The following EPHA6 variants were observed in gnomAD, a reference collection of about 807,000 sequenced individuals.
EPHA6 encodes EPH receptor A6.
In EPHA6, 50 loss-of-function variants were observed where a neutral mutation model predicts 112.0. The observed-to-expected ratio is 0.45, with a 90% CI of 0.36 to 0.56. The LOEUF (loss-of-function observed/expected upper bound fraction) is 0.56, where lower values mean the gene tolerates loss of function less well. Among genes scored for constraint, EPHA6 ranks in the 20% least tolerant of loss-of-function variants. The probability of loss-of-function intolerance (pLI) is 0.00; values close to 1 mark genes in which losing one functional copy is unlikely to be tolerated. For synonymous variants in EPHA6, 529 were observed against 490.7 expected, an observed-to-expected ratio of 1.08 and a Z score of -1.03; for missense variants, 1,280 against 1,417.4, an observed-to-expected ratio of 0.90 and a Z score of 1.56.
chr3:97,377,315 A>G (rs996562042), intron 5 of EPHA6, among the ~76,000 whole-genome samples: 3 of 152,114 alleles, frequency 2.0e-5, no homozygotes, highest in African/African-American at 7.2e-5. Flanking sequence ...ACCATATAAG[A>G]AGTGCCTTTC....
intron 2 of EPHA6, among the ~76,000 whole-genome samples, chr3:96,937,701 G>C (rs1239930733): frequency 4.6e-5 from 7 of 152,090 alleles, no homozygotes; most frequent in African/African-American, 1.7e-4. Context: ...GTCCTGAATG[G>C]TATTGCCTAG....
intron 14 of EPHA6, among the ~76,000 whole-genome samples, chr3:97,672,026 C>A (rs2030898474): frequency 6.6e-6 from 1 of 152,154 alleles, no homozygotes; most frequent in Non-Finnish European, 1.5e-5. Context: ...CAGTCCATCA[C>A]TGTTCCTGAA....
chr3:97,293,080 G>A (rs993471973), intron 5 of EPHA6, among the ~76,000 whole-genome samples: 2 of 151,946 alleles, frequency 1.3e-5, no homozygotes, highest in African/African-American at 4.8e-5. Context: ...CCTTTTCACA[G>A]GCAGGGCATG....
intron 3 of EPHA6, among the ~76,000 whole-genome samples, chr3:96,994,914 G>A (rs187662213): frequency 6.6e-6 from 1 of 151,270 alleles, no homozygotes; most frequent in African/African-American, 2.4e-5. Flanking sequence ...AATACTATTT[G>A]TCTATGAAAA....
intron 10 of EPHA6, among the ~76,000 whole-genome samples, chr3:97,515,549 G>A (rs897355975): frequency 1.1e-4 from 17 of 152,160 alleles, no homozygotes; most frequent in African/African-American, 3.9e-4. Flanking sequence ...AATTGCAAAT[G>A]TTTTTTACTC....
chr3:97,161,116 A>G (rs536796712), intron 3 of EPHA6, among the ~76,000 whole-genome samples: 3 of 152,268 alleles, frequency 2.0e-5, no homozygotes, highest in South Asian at 2.1e-4. Context: ...TGTTGTTTGC[A>G]TGCCCAACTT....
At chr3:97,242,970 C>G (rs140988687) in intron 4 of EPHA6, among the ~76,000 whole-genome samples, 2 of 151,752 alleles carry the variant, frequency 1.3e-5, no homozygotes, top group African/African-American at 4.8e-5. Context: ...GTGTCTGGCT[C>G]CTAGAAGACA....
chr3:96,923,103 G>C (rs1016503388), intron 2 of EPHA6, among the ~76,000 whole-genome samples: 26 of 151,982 alleles, frequency 1.7e-4, no homozygotes, highest in African/African-American at 5.8e-4. Flanking sequence ...GTGAACATAC[G>C]CATGCATGTA....
At chr3:97,680,224 TC>T (rs1173173208) in intron 14 of EPHA6, among the ~76,000 whole-genome samples, 2 of 152,166 alleles carry the variant, frequency 1.3e-5, no homozygotes, top group African/African-American at 4.8e-5. Context: ...GTGCTCAGAA[TC>T]ACTCTTCTTC....
chr3:97,672,967 C>G (rs1395939775), intron 14 of EPHA6, among the ~76,000 whole-genome samples: 1 of 152,126 alleles, frequency 6.6e-6, no homozygotes, highest in East Asian at 1.9e-4. Flanking sequence ...GGAAACTTCA[C>G]CAGGTAAAAT....
At chr3:97,011,204 AG>A (rs756757001) in intron 3 of EPHA6, among the ~76,000 whole-genome samples, 33 of 152,188 alleles carry the variant, frequency 2.2e-4, no homozygotes, top group Admixed American at 7.2e-4. Context: ...GGGGATTTTA[AG>A]GGGGAAGGTT....
intron 3 of EPHA6, among the ~76,000 whole-genome samples, chr3:97,211,976 T>C (rs1480461225): frequency 5.3e-5 from 8 of 152,228 alleles, no homozygotes; most frequent in Admixed American, 3.3e-4. Flanking sequence ...ATGGTTTTGT[T>C]GTAGTTATTA....
intron 4 of EPHA6, among the ~76,000 whole-genome samples, chr3:97,242,860 A>G (rs1047415598): frequency 1.3e-5 from 2 of 151,760 alleles, no homozygotes; most frequent in African/African-American, 4.8e-5. Context: ...TTGTTTCAAC[A>G]GTCATTTATA....
chr3:97,590,332 T>C (rs1240168883), intron 11 of EPHA6: 2 of 152,074 alleles, frequency 1.3e-5, no homozygotes, highest in Admixed American at 6.5e-5. Flanking sequence ...CTTAGGAAAA[T>C]GAAAGCTGCT....
intron 14 of EPHA6, among the ~76,000 whole-genome samples, chr3:97,669,675 A>G (rs2030588663): frequency 2.0e-5 from 3 of 152,008 alleles, no homozygotes; most frequent in Middle Eastern, 6.9e-3. Flanking sequence ...CCCCCACTCC[A>G]TGATTTTTAT....
At chr3:97,715,505 A>T (rs377026612) in intron 14 of EPHA6, among the ~76,000 whole-genome samples, 7 of 152,232 alleles carry the variant, frequency 4.6e-5, no homozygotes. Flanking sequence ...AAGTCTACAG[A>T]CAGATTACTG....
At chr3:97,448,125 G>T (rs987944425) in intron 6 of EPHA6, among the ~76,000 whole-genome samples, 16 of 152,080 alleles carry the variant, frequency 1.1e-4, no homozygotes, top group Admixed American at 2.6e-4. Flanking sequence ...TCACCCACAG[G>T]TCTACCCACG....
At chr3:97,357,720 T>C (rs562485341) in intron 5 of EPHA6, among the ~76,000 whole-genome samples, 1 of 152,346 alleles carries the variant, frequency 6.6e-6, no homozygotes, top group Non-Finnish European at 1.5e-5. Flanking sequence ...TAGTGTTGAC[T>C]GGGAGCTTTA....
intron 10 of EPHA6, among the ~76,000 whole-genome samples, chr3:97,519,545 A>G (rs2092503479): frequency 6.6e-6 from 1 of 152,184 alleles, no homozygotes; most frequent in Admixed American, 6.6e-5. Flanking sequence ...AGTAATTGCA[A>G]TAAATCTGTA....
Sources: gnomAD v4.1 joint callset for allele counts (sites outside exome capture counted in the v4.1 genomes callset) on GRCh38, gnomAD v4.1.1 for gene constraint, MANE v1.5 for transcripts, NCBI Gene and HGNC (gene_info 2026-07-23, HGNC 2026-07-21) for gene names.